The following DCC variants were observed in gnomAD, a reference collection of about 807,000 sequenced individuals.
The protein encoded by DCC is DCC netrin 1 receptor, also known as netrin receptor DCC.
Under a neutral mutation model 172.5 loss-of-function variants are expected in DCC, and 58 were observed. That is an observed-to-expected ratio of 0.34 (90% CI 0.27 to 0.42). The LOEUF (loss-of-function observed/expected upper bound fraction) is 0.42, where lower values mean the gene tolerates loss of function less well. Ranked by LOEUF, DCC falls within the 10% of genes least tolerant of loss-of-function variation. DCC has a pLI of 1.00. For missense variants in DCC, 1,740 were observed against 1,791.0 expected (o/e 0.97, Z 0.51); for synonymous variants, 709 against 644.5 (o/e 1.10, Z -1.52).
intron 26 of DCC, among the ~76,000 whole-genome samples, chr18:53,494,302 T>C (rs1442148470): frequency 6.6e-6 from 1 of 152,222 alleles, no homozygotes; most frequent in Non-Finnish European, 1.5e-5. Context: ...TATATTCTGT[T>C]GATGTGGGCT....
intron 22 of DCC, among the ~76,000 whole-genome samples, chr18:53,441,165 T>C (rs1052928735): frequency 6.6e-6 from 1 of 152,186 alleles, no homozygotes; most frequent in Non-Finnish European, 1.5e-5. Context: ...GCATACCCTG[T>C]AGGTTGCTCC....
intron 1 of DCC, among the ~76,000 whole-genome samples, chr18:52,565,632 A>G (rs932291801): frequency 1.3e-5 from 2 of 152,182 alleles, no homozygotes; most frequent in Admixed American, 1.3e-4. Context: ...GGCTGCAAAA[A>G]TGTCTTCTTT....
chr18:53,158,750 G>C (rs1378528242), intron 8 of DCC, among the ~76,000 whole-genome samples: 1 of 151,988 alleles, frequency 6.6e-6, no homozygotes, highest in African/African-American at 2.4e-5. Context: ...CCAGCACTTT[G>C]GCAGGCTAAG....
At chr18:53,315,852 G>T (rs2057337800) in intron 13 of DCC, among the ~76,000 whole-genome samples, 1 of 151,966 alleles carries the variant, frequency 6.6e-6, no homozygotes, top group Non-Finnish European at 1.5e-5. Flanking sequence ...GTTCCTTGTA[G>T]ATTCTGGATA....
intron 8 of DCC, among the ~76,000 whole-genome samples, chr18:53,165,300 A>T (rs1361850998): frequency 6.6e-6 from 1 of 151,794 alleles, no homozygotes; most frequent in African/African-American, 2.4e-5. Flanking sequence ...GCCTCAGAAA[A>T]CCTCTGCTCA....
intron 1 of DCC, among the ~76,000 whole-genome samples, chr18:52,542,154 A>C (rs2144705167): frequency 6.6e-6 from 1 of 151,752 alleles, no homozygotes; most frequent in South Asian, 2.1e-4. Context: ...AAAATGCAAC[A>C]AAATGTATAG....
At chr18:53,380,983 C>T (rs958339523) in intron 15 of DCC, among the ~76,000 whole-genome samples, 1 of 152,076 alleles carries the variant, frequency 6.6e-6, no homozygotes, top group Non-Finnish European at 1.5e-5. Flanking sequence ...ATAAAGCTCT[C>T]GACTCAGCAT....
chr18:53,218,204 A>T (rs1304568027), intron 12 of DCC, among the ~76,000 whole-genome samples: 1 of 152,114 alleles, frequency 6.6e-6, no homozygotes, highest in Non-Finnish European at 1.5e-5. Flanking sequence ...AAGAGAACAC[A>T]CTTTGAAAAC....
At chr18:52,450,072 G>A (rs1188676488) in intron 1 of DCC, among the ~76,000 whole-genome samples, 1 of 152,090 alleles carries the variant, frequency 6.6e-6, no homozygotes, top group Non-Finnish European at 1.5e-5. Context: ...AACTATTATG[G>A]AAGACAGAAT....
At chr18:53,383,058 T>G (rs556159647) in intron 15 of DCC, among the ~76,000 whole-genome samples, 1 of 152,266 alleles carries the variant, frequency 6.6e-6, no homozygotes, top group Admixed American at 6.5e-5. Flanking sequence ...AAGTTCACCA[T>G]GTTTCCTTGC....
rs2042489361 is a variant in DCC, at chr18:53,061,137, G to A, written c.986-2168G>A. ...TGTCATTATTCTCAATTCTTATCTC[G>A]AGGTTATAGATGAGGATAGTAACAG... On this transcript the variant is annotated intron_variant, in intron 5 of 28. Coordinates refer to ENST00000442544, the MANE Select transcript of DCC (RefSeq NM_005215.4). Among the ~76,000 whole-genome samples the A allele has an allele frequency of 2.0e-5, 3 of 151,918 alleles. No homozygotes were observed. In the South Asian group the frequency reaches 6.2e-4, roughly 31 times the overall value.
At chr18:53,255,038 A>G (rs1258928834) in intron 12 of DCC, among the ~76,000 whole-genome samples, 1 of 151,918 alleles carries the variant, frequency 6.6e-6, no homozygotes, top group Non-Finnish European at 1.5e-5. Context: ...TATTGGAAAC[A>G]ATGAGTCAGC....
chr18:53,035,828 C>T (rs902521156), intron 5 of DCC, among the ~76,000 whole-genome samples: 1 of 152,012 alleles, frequency 6.6e-6, no homozygotes, highest in Admixed American at 6.6e-5. Context: ...TCCAGTTTTT[C>T]TCCTTTAGAA....
intron 21 of DCC, among the ~76,000 whole-genome samples, chr18:53,425,357 CTTTTT>C (rs747096336): frequency 6.1e-4 from 62 of 101,628 alleles, no homozygotes; most frequent in Non-Finnish European, 1.1e-3. Flanking sequence ...TTTCTCCTCT[CTTTTT>C]TTTTTTTTTT....
intron 1 of DCC, among the ~76,000 whole-genome samples, chr18:52,583,494 T>TA (rs1208450332): frequency 2.6e-5 from 4 of 152,206 alleles, no homozygotes; most frequent in African/African-American, 9.6e-5. Flanking sequence ...TAGAAGAATA[T>TA]ATCTCTTTCT....
chr18:53,284,796 G>T (rs1343581486), intron 12 of DCC, among the ~76,000 whole-genome samples: 1 of 152,144 alleles, frequency 6.6e-6, no homozygotes, highest in East Asian at 1.9e-4. Flanking sequence ...AAGTGGCTTT[G>T]ACCAAAATGC....
intron 5 of DCC, among the ~76,000 whole-genome samples, chr18:53,052,949 C>T (rs1347217478): frequency 6.6e-6 from 1 of 152,080 alleles, no homozygotes; most frequent in Non-Finnish European, 1.5e-5. Context: ...TTGAGACCAG[C>T]TTGGCCAATG....
chr18:53,333,069 CAAAA>C (rs11323974), intron 14 of DCC, among the ~76,000 whole-genome samples: 3 of 120,560 alleles, frequency 2.5e-5, no homozygotes. Flanking sequence ...GAACCTGTCT[CAAAA>C]AAAAAAAAAA....
chr18:53,456,930 C>A (rs1482569708), intron 23 of DCC, among the ~76,000 whole-genome samples: 1 of 152,140 alleles, frequency 6.6e-6, no homozygotes, highest in Non-Finnish European at 1.5e-5. Flanking sequence ...TATTACAAAC[C>A]TGCTGTGGTA....
Sources: allele counts gnomAD v4.1 joint callset (sites outside exome capture counted in the v4.1 genomes callset), GRCh38; gene constraint gnomAD v4.1.1; transcripts MANE v1.5; gene names NCBI Gene and HGNC (gene_info 2026-07-23, HGNC 2026-07-21).